The following GPC5 variants were observed in gnomAD, a reference collection of about 807,000 sequenced individuals.
GPC5 encodes the protein glypican 5.
A neutral mutation model predicts 53.9 loss-of-function variants in GPC5; 47 were observed. The observed-to-expected ratio is 0.87, with a 90% CI of 0.69 to 1.11. GPC5 has a LOEUF of 1.11. Among genes scored for constraint, GPC5 ranks in the 50% most tolerant of loss-of-function variants. The probability of loss-of-function intolerance (pLI) is 0.00; values close to 1 mark genes in which losing one functional copy is unlikely to be tolerated. For synonymous variants in GPC5, 286 were observed against 263.3 expected, an observed-to-expected ratio of 1.09 and a Z score of -0.84; for missense variants, 748 against 713.1, an observed-to-expected ratio of 1.05 and a Z score of -0.56.
intron 2 of GPC5, among the ~76,000 whole-genome samples, chr13:91,660,863 C>T (rs943141953): frequency 2.0e-5 from 3 of 152,102 alleles, no homozygotes; most frequent in African/African-American, 7.2e-5. Flanking sequence ...TCATTTACCC[C>T]ACCCACTGGC....
chr13:91,714,017 A>G (rs898736405), intron 3 of GPC5, among the ~76,000 whole-genome samples: 1 of 152,144 alleles, frequency 6.6e-6, no homozygotes, highest in Non-Finnish European at 1.5e-5. Context: ...AGAGCCTCAG[A>G]ATAACCTTTC....
At chr13:92,428,163 G>A (rs1876919367) in intron 7 of GPC5, among the ~76,000 whole-genome samples, 1 of 151,938 alleles carries the variant, frequency 6.6e-6, no homozygotes, top group African/African-American at 2.4e-5. Flanking sequence ...CTTCATTCCT[G>A]GCCCCCAACC....
chr13:92,772,571 C>A (rs2138750987), intron 7 of GPC5, among the ~76,000 whole-genome samples: 1 of 152,294 alleles, frequency 6.6e-6, no homozygotes, highest in South Asian at 2.1e-4. Flanking sequence ...CTTCCAATGT[C>A]ATTTCTTTAT....
chr13:91,699,453 A>G (rs550173108), intron 3 of GPC5, among the ~76,000 whole-genome samples: 1 of 152,234 alleles, frequency 6.6e-6, no homozygotes, highest in African/African-American at 2.4e-5. Context: ...TAAATGCAAT[A>G]CATTCTACAG....
intron 2 of GPC5, among the ~76,000 whole-genome samples, chr13:91,577,595 G>C (rs961125911): frequency 9.2e-5 from 14 of 152,148 alleles, no homozygotes; most frequent in African/African-American, 2.9e-4. Flanking sequence ...TAATGTGCCA[G>C]AACATTCACA....
rs536794209 is a variant in GPC5, at chr13:92,153,218, C to T, written c.1561+8229C>T. Among the ~76,000 whole-genome samples the T allele has an allele frequency of 1.2e-4, 18 of 152,168 alleles. No homozygotes were observed. In the South Asian group the frequency reaches 3.1e-3, roughly 26 times the overall value. On this transcript the variant is annotated intron_variant, in intron 7 of 7. Coordinates refer to ENST00000377067, the MANE Select transcript of GPC5 (RefSeq NM_004466.6). ...CGCAATCTCAGCTCACTGCAACTTC[C>T]GCCTCCTGGGTTCAATTCTCATGCC...
intron 7 of GPC5, among the ~76,000 whole-genome samples, chr13:92,182,822 T>C (rs1178498755): frequency 6.6e-6 from 1 of 150,780 alleles, no homozygotes; most frequent in East Asian, 2.0e-4. Flanking sequence ...TGAGCCGAGA[T>C]CGTGCCACTG....
intron 6 of GPC5, among the ~76,000 whole-genome samples, chr13:92,093,927 T>C (rs1213288905): frequency 6.6e-6 from 1 of 152,242 alleles, no homozygotes; most frequent in Non-Finnish European, 1.5e-5. Flanking sequence ...TTTCTCTTCA[T>C]TTAATTCAAA....
intron 2 of GPC5, among the ~76,000 whole-genome samples, chr13:91,660,103 G>A (rs73612008): frequency 0.064 from 9,716 of 152,204 alleles, 1,033 homozygotes; most frequent in African/African-American, 0.22. Flanking sequence ...TGGTTGGTTA[G>A]GGGAAACATG....
At chr13:91,904,004 AC>A (rs2039525626) in intron 5 of GPC5, among the ~76,000 whole-genome samples, 2 of 151,978 alleles carry the variant, frequency 1.3e-5, no homozygotes, top group African/African-American at 4.8e-5. Flanking sequence ...AAACAGAAAC[AC>A]TGTACGGCAA....
intron 6 of GPC5, among the ~76,000 whole-genome samples, chr13:92,143,093 C>A (rs1028560791): frequency 6.6e-6 from 1 of 151,968 alleles, no homozygotes; most frequent in Non-Finnish European, 1.5e-5. Flanking sequence ...ACAATATGAG[C>A]AATGGTCCAG....
chr13:91,616,997 G>C (rs529797762), intron 2 of GPC5, among the ~76,000 whole-genome samples: 2 of 152,120 alleles, frequency 1.3e-5, no homozygotes, highest in South Asian at 4.1e-4. Context: ...TTCACAAGAG[G>C]TTTTTGTTAA....
chr13:92,460,126 C>A (rs894866517), intron 7 of GPC5, among the ~76,000 whole-genome samples: 1 of 151,978 alleles, frequency 6.6e-6, no homozygotes, highest in Non-Finnish European at 1.5e-5. Context: ...CAGTCTCCAG[C>A]TGAACATGCC....
intron 3 of GPC5, among the ~76,000 whole-genome samples, chr13:91,701,365 T>C (rs2035987671): frequency 1.3e-5 from 2 of 152,160 alleles, no homozygotes. Flanking sequence ...GCCTCAGCCC[T>C]GGCAAACACC....
rs773422814 is a variant in GPC5, at chr13:91,399,213, A to G, written c.163+4A>G. ...CTGCCGGATTCGCCGCGGGCAGGTAAGGGGCAATGAGGGGGTCTCTGGACT... is the reference window on the plus strand; with the variant it reads ...CTGCCGGATTCGCCGCGGGCAGGTAGGGGGCAATGAGGGGGTCTCTGGACT... On this transcript the variant is annotated splice_donor_region_variant and intron_variant, in intron 1 of 7. Coordinates refer to ENST00000377067, the MANE Select transcript of GPC5 (RefSeq NM_004466.6). The G allele has an allele frequency of 6.2e-7, 1 of 1,610,582 alleles. No individual in the cohort carries two copies. The highest frequency in any genetic ancestry group is 1.7e-5 in the Admixed American group (1 of 59,828).
At chr13:91,542,124 T>C (rs1325041077) in intron 2 of GPC5, among the ~76,000 whole-genome samples, 2 of 152,026 alleles carry the variant, frequency 1.3e-5, no homozygotes, top group Admixed American at 6.6e-5. Context: ...TTTCAGTATA[T>C]TGTTGAGAAA....
chr13:91,733,398 G>A (rs993306210), intron 4 of GPC5, among the ~76,000 whole-genome samples: 5 of 152,292 alleles, frequency 3.3e-5, no homozygotes, highest in East Asian at 1.9e-4. Flanking sequence ...CTCCCAAAGT[G>A]CAGGGATTAC....
intron 6 of GPC5, among the ~76,000 whole-genome samples, chr13:91,986,595 C>A (rs887009586): frequency 6.6e-6 from 1 of 152,122 alleles, no homozygotes; most frequent in Non-Finnish European, 1.5e-5. Flanking sequence ...ATAGTGAGCA[C>A]CTCACTTATT....
At chr13:91,952,848 T>A (rs1035536497) in intron 6 of GPC5, among the ~76,000 whole-genome samples, 2 of 152,198 alleles carry the variant, frequency 1.3e-5, no homozygotes, top group Admixed American at 6.5e-5. Flanking sequence ...TGTATTGGAC[T>A]CTTTCCTTTG....
Sources: allele counts gnomAD v4.1 joint callset (sites outside exome capture counted in the v4.1 genomes callset), GRCh38; gene constraint gnomAD v4.1.1; transcripts MANE v1.5; gene names NCBI Gene and HGNC (gene_info 2026-07-23, HGNC 2026-07-21).